Variants in HECW1 observed in about 807,000 individuals in gnomAD.
HECW1 encodes HECT, C2 and WW domain containing E3 ubiquitin protein ligase 1, also known as E3 ubiquitin-protein ligase HECW1.
Under a neutral mutation model 182.3 loss-of-function variants are expected in HECW1, and 61 were observed. That is an observed-to-expected ratio of 0.33 (90% CI 0.27 to 0.41). The LOEUF is 0.41. Among genes scored for constraint, HECW1 ranks in the 10% least tolerant of loss-of-function variants. The pLI, the probability that HECW1 is intolerant of heterozygous loss-of-function variation, is 1.00. For synonymous variants in HECW1, 859 were observed against 832.6 expected (o/e 1.03, Z -0.55); for missense variants, 1,739 against 2,108.9 (o/e 0.82, Z 3.44).
chr7:43,120,800 C>T (rs561771627), intron 2 of HECW1, among the ~76,000 whole-genome samples: 99 of 152,178 alleles, frequency 6.5e-4, no homozygotes, highest in African/African-American at 2.3e-3. Context: ...CACACCACCA[C>T]ACCCGGCTGA....
At chr7:43,532,756 T>C (rs1170747852) in intron 24 of HECW1, among the ~76,000 whole-genome samples, 2 of 152,132 alleles carry the variant, frequency 1.3e-5, no homozygotes, top group African/African-American at 4.8e-5. Context: ...TTCTCCCCCA[T>C]CATCACTTCC....
Position 43,356,820 on chromosome 7 carries a change from A to C in HECW1, c.461-4066A>C, listed in dbSNP as rs114217463. ...TGGAGAAATTAAGAAAAAAGTTTTA[A>C]AATTTTTTGAAACAAATCAAATAGA... On this transcript the variant is annotated intron_variant, in intron 5 of 29. Transcript: ENST00000395891. Among the ~76,000 whole-genome samples the C allele has an allele frequency of 6.9e-3, 1,032 of 148,988 alleles. 9 individuals are homozygous for C. The highest frequency in any genetic ancestry group is 0.025 in the African/African-American group (999 of 40,756).
At chr7:43,501,388 A>T in intron 21 of HECW1, 66 bp downstream of exon 21, 1 of 876,224 alleles carries the variant, frequency 1.1e-6, no homozygotes, top group Non-Finnish European at 1.9e-6. Flanking sequence ...GTGAAGGTGA[A>T]TGAAAGGCAA....
chr7:43,215,278 G>A (rs1796341908), intron 2 of HECW1, among the ~76,000 whole-genome samples: 1 of 152,228 alleles, frequency 6.6e-6, no homozygotes, highest in Non-Finnish European at 1.5e-5. Flanking sequence ...CACCTTGCAA[G>A]GGTCGGTTGT....
intron 2 of HECW1, among the ~76,000 whole-genome samples, chr7:43,120,705 A>G (rs1785510994): frequency 6.6e-6 from 1 of 152,104 alleles, no homozygotes; most frequent in African/African-American, 2.4e-5. Context: ...GTGCAGTGGC[A>G]TGATCTTGGC....
intron 3 of HECW1, among the ~76,000 whole-genome samples, chr7:43,254,890 G>A (rs1487004775): frequency 6.6e-6 from 1 of 152,130 alleles, no homozygotes; most frequent in Non-Finnish European, 1.5e-5. Context: ...CTAGAAGAAG[G>A]GATGTTGAAT....
chr7:43,499,976 G>A (rs945193036), intron 19 of HECW1, among the ~76,000 whole-genome samples: 25 of 152,240 alleles, frequency 1.6e-4, no homozygotes, highest in East Asian at 5.8e-4. Context: ...TCTTGGGGCC[G>A]GGCCCCCTCT....
chr7:43,417,916 C>A (rs2076065414), intron 8 of HECW1, among the ~76,000 whole-genome samples: 1 of 152,084 alleles, frequency 6.6e-6, no homozygotes, highest in South Asian at 2.1e-4. Context: ...TAACAAAGTC[C>A]CACAAATTGA....
chr7:43,535,472 C>T (rs1156719788), intron 24 of HECW1, among the ~76,000 whole-genome samples: 1 of 152,140 alleles, frequency 6.6e-6, no homozygotes, highest in South Asian at 2.1e-4. Context: ...GATGTGCGCG[C>T]ACCAAGAGTG....
In HECW1 at chr7:43,445,029, G is replaced by A; in HGVS notation, c.1857G>A (p.Glu619=). 1 of 1,564,742 alleles carries A rather than the reference G, an allele frequency of 6.4e-7. No individual in the cohort carries two copies. The highest frequency in any genetic ancestry group is 8.7e-7 in the Non-Finnish European group (1 of 1,154,706). Residue 619 remains glutamate, a synonymous_variant, in exon 11 of 30, where the codon GAG becomes GAA. Coordinates refer to ENST00000395891, the MANE Select transcript of HECW1 (RefSeq NM_015052.5). ...CTGCCCTGGAAGAGGACAGAGAAGAGCCCGAGGGGGCTACTCCAGGCACGG... is the reference window on the plus strand; with the variant it reads ...CTGCCCTGGAAGAGGACAGAGAAGAACCCGAGGGGGCTACTCCAGGCACGG... ...DPSALEEDRE[E]PEGATPGTAH... is the part of the protein sequence containing the mutation.
chr7:43,141,237 G>A (rs373493153), intron 2 of HECW1, among the ~76,000 whole-genome samples: 4 of 152,250 alleles, frequency 2.6e-5, no homozygotes, highest in African/African-American at 9.6e-5. Flanking sequence ...ACTGAGTGGG[G>A]TCATTAGGAA....
At chr7:43,319,393 C>CAAAAAAAAAAAAAAA (rs529109893) in intron 4 of HECW1, among the ~76,000 whole-genome samples, 231 of 67,374 alleles carry the variant, frequency 3.4e-3, no homozygotes, top group African/African-American at 6.1e-3. Context: ...GACTCCGTCT[C>CAAAAAAAAAAAAAAA]AAAAAAAAAA....
chr7:43,493,093 A>G lies in HECW1; in HGVS notation c.3350A>G (p.Asp1117Gly). 13 of 1,612,270 alleles carry G rather than the reference A, an allele frequency of 8.1e-6. No individual in the cohort carries two copies. The highest frequency in any genetic ancestry group is 9.3e-6 in the Non-Finnish European group (11 of 1,178,574). The change falls in exon 19 of 30, where the codon GAC becomes GGC. Residue 1117 changes from aspartate (D) to glycine (G), a missense_variant. This residue lies in a region of HECW1 where 971 missense variants were observed against 1,029.1 expected (regional missense o/e 0.94). Coordinates refer to ENST00000395891, the MANE Select transcript of HECW1 (RefSeq NM_015052.5). Reference protein sequence around the residue: ...QHESLPLAYNDKIVAFLRQPN... With the variant: ...QHESLPLAYNGKIVAFLRQPN... ...CTTTTGTCTGTTTCAGCATATAATG[A>G]CAAGATTGTGGCATTTCTTCGCCAG...
chr7:43,562,835 C>T lies in HECW1; in HGVS notation c.*909C>T. 4.6e-6 allele frequency: 1 copy of T among 217,902 alleles called. No individual in the cohort carries two copies. Among genetic ancestry groups the T allele is most frequent in the Non-Finnish European group, 9.2e-6 (1 of 108,358 alleles). 13.5% of individuals were successfully genotyped at this position (217,902 alleles called of 1,614,324 possible). ...GAGAAAGGGAAGAAGGACATATTAC[C>T]TTGGTTTGAATCCCTGAGTTCTGTA... is the stretch of plus-strand genomic sequence containing the variant. On this transcript the variant is annotated 3_prime_UTR_variant, in exon 30 of 30. Transcript: ENST00000395891.
chr7:43,118,330 G>C (rs1435137955), intron 2 of HECW1: 4 of 152,622 alleles, frequency 2.6e-5, no homozygotes, highest in Non-Finnish European at 5.9e-5. Context: ...GATGTTCCCT[G>C]CTTTTGCTTT....
At chr7:43,259,194 C>T (rs1800910517) in intron 3 of HECW1, among the ~76,000 whole-genome samples, 1 of 152,146 alleles carries the variant, frequency 6.6e-6, no homozygotes, top group Non-Finnish European at 1.5e-5. Context: ...CGAGACCAGC[C>T]TGGCCGACAT....
chr7:43,207,532 T>C (rs1326852156), intron 2 of HECW1, among the ~76,000 whole-genome samples: 2 of 152,176 alleles, frequency 1.3e-5, no homozygotes, highest in South Asian at 2.1e-4. Flanking sequence ...ATATTACTGT[T>C]AATTGTAGTC....
At position 43,488,494 on chromosome 7, in the gene HECW1, G is replaced by GAAAGAAAGAGAAAA. The variant is rs1554440717; in HGVS notation, c.3235-3572_3235-3571insGAAAAAAAGAAAGA. Among the ~76,000 whole-genome samples the GAAAGAAAGAGAAAA allele has an allele frequency of 2.6e-3, 379 of 144,306 alleles. 11 individuals are homozygous for GAAAGAAAGAGAAAA. Among genetic ancestry groups the GAAAGAAAGAGAAAA allele is most frequent in the Admixed American group, 3.8e-3 (55 of 14,400 alleles). 94.7% of individuals were successfully genotyped at this position (144,306 alleles called of 152,430 possible). On this transcript the variant is annotated intron_variant, in intron 17 of 29. Transcript: ENST00000395891. ...AAAGAAAGAAAGAAAGAAAGAGAAA[G>GAAAGAAAGAGAAAA]AAAGAAAGAAAAGAAAAGAAAGAAA...
At chr7:43,427,123 G>A (rs2076387413) in intron 8 of HECW1, among the ~76,000 whole-genome samples, 2 of 152,096 alleles carry the variant, frequency 1.3e-5, no homozygotes, top group Admixed American at 1.3e-4. Flanking sequence ...TCTCAAATGA[G>A]AGTTTTGTGG....
Sources: allele counts gnomAD v4.1 joint callset (sites outside exome capture counted in the v4.1 genomes callset), GRCh38; gene constraint gnomAD v4.1.1; regional missense constraint gnomAD v4.1.1; transcripts MANE v1.5; gene names NCBI Gene and HGNC (gene_info 2026-07-23, HGNC 2026-07-21).